The following GALNT13 variants were observed in gnomAD, a reference collection of about 807,000 sequenced individuals.
The protein encoded by GALNT13 is UDP-GalNAc:polypeptide N-acetylgalactosaminyltransferase 13.
GALNT13 carries 28 observed loss-of-function variants against 64.2 expected under a neutral mutation model. The observed-to-expected ratio is 0.44, with a 90% CI of 0.32 to 0.60. GALNT13 has a LOEUF of 0.60. Among genes scored for constraint, GALNT13 ranks in the 20% least tolerant of loss-of-function variants. The pLI is 0.05. For missense variants in GALNT13, 577 were observed against 669.8 expected (o/e 0.86, Z 1.53); for synonymous variants, 214 against 224.6 (o/e 0.95, Z 0.42).
the GALNT13 span, among the ~76,000 whole-genome samples, chr2:153,485,294 C>A: frequency 6.6e-6 from 1 of 152,052 alleles, no homozygotes; most frequent in Non-Finnish European, 1.5e-5. Context: ...CTGTATTCTT[C>A]TTGGATATAT....
chr2:154,137,849 T>G (rs1683041443), intron 3 of GALNT13, among the ~76,000 whole-genome samples: 1 of 152,004 alleles, frequency 6.6e-6, no homozygotes, highest in African/African-American at 2.4e-5. Flanking sequence ...ATATGCCACT[T>G]TGTCATATGG....
At chr2:153,860,893 C>T in the GALNT13 span, among the ~76,000 whole-genome samples, 1 of 152,110 alleles carries the variant, frequency 6.6e-6, no homozygotes, top group African/African-American at 2.4e-5. Flanking sequence ...GTAATTAGGT[C>T]TAGGAGCAGG....
chr2:154,029,657 A>G (rs1291304341), intron 3 of GALNT13, among the ~76,000 whole-genome samples: 4 of 152,206 alleles, frequency 2.6e-5, no homozygotes, highest in Admixed American at 2.6e-4. Context: ...AACAAAATGT[A>G]CAAGACGTGT....
At chr2:153,814,292 T>G in the GALNT13 span, among the ~76,000 whole-genome samples, 1 of 151,896 alleles carries the variant, frequency 6.6e-6, no homozygotes, top group Non-Finnish European at 1.5e-5. Flanking sequence ...TACAAAAAAT[T>G]AACTGGGCGC....
chr2:153,354,904 G>A, the GALNT13 span, among the ~76,000 whole-genome samples: 2 of 152,102 alleles, frequency 1.3e-5, no homozygotes, highest in Non-Finnish European at 2.9e-5. Context: ...AAGTTGCCTG[G>A]GTTAATGCTC....
the GALNT13 span, among the ~76,000 whole-genome samples, chr2:153,586,231 G>A: frequency 6.6e-6 from 1 of 152,182 alleles, no homozygotes; most frequent in East Asian, 1.9e-4. Flanking sequence ...TGGATTAAAT[G>A]CATCACTTAA....
chr2:153,857,646 T>C, the GALNT13 span, among the ~76,000 whole-genome samples: 3 of 152,232 alleles, frequency 2.0e-5, no homozygotes, highest in Non-Finnish European at 2.9e-5. Flanking sequence ...CATAGGAATA[T>C]TCTGCACTTC....
the GALNT13 span, among the ~76,000 whole-genome samples, chr2:153,582,728 G>C: frequency 6.6e-6 from 1 of 151,970 alleles, no homozygotes; most frequent in Non-Finnish European, 1.5e-5. Flanking sequence ...TCAAAGAGTC[G>C]GATCTGTTAT....
chr2:154,068,392 G>A (rs1403035546), intron 3 of GALNT13, among the ~76,000 whole-genome samples: 2 of 151,918 alleles, frequency 1.3e-5, no homozygotes, highest in Admixed American at 1.3e-4. Context: ...AAATCAGTAT[G>A]TCTAAGATAT....
chr2:153,906,740 T>A (rs1346127490), intron 2 of GALNT13, among the ~76,000 whole-genome samples: 3 of 151,892 alleles, frequency 2.0e-5, no homozygotes, highest in East Asian at 3.9e-4. Context: ...GCATGATTTA[T>A]AATCCTTTGG....
intron 2 of GALNT13, among the ~76,000 whole-genome samples, chr2:153,932,772 G>A (rs1000047475): frequency 6.6e-6 from 1 of 151,200 alleles, no homozygotes; most frequent in Non-Finnish European, 1.5e-5. Flanking sequence ...GGATTACAGG[G>A]GCCTGCCACC....
the GALNT13 span, among the ~76,000 whole-genome samples, chr2:153,773,002 A>C: frequency 6.6e-6 from 1 of 152,194 alleles, no homozygotes; most frequent in African/African-American, 2.4e-5. Flanking sequence ...TGGCCACTAC[A>C]GTTGCCTTTG....
the GALNT13 span, among the ~76,000 whole-genome samples, chr2:153,165,479 C>T: frequency 3.9e-5 from 6 of 152,160 alleles, no homozygotes; most frequent in African/African-American, 1.4e-4. Flanking sequence ...AAATCTTTTG[C>T]AGCATTATTT....
the GALNT13 span, among the ~76,000 whole-genome samples, chr2:153,484,390 C>G: frequency 2.0e-5 from 3 of 152,000 alleles, no homozygotes; most frequent in Non-Finnish European, 4.4e-5. Flanking sequence ...ATATTGATCT[C>G]GAATATTGTT....
chr2:154,166,494 T>C (rs1685029931), intron 4 of GALNT13, among the ~76,000 whole-genome samples: 1 of 152,160 alleles, frequency 6.6e-6, no homozygotes, highest in Admixed American at 6.5e-5. Flanking sequence ...CTGGAGAGGA[T>C]GTGGAGAAAT....
chr2:153,899,619 A>G (rs903081298), intron 1 of GALNT13, among the ~76,000 whole-genome samples: 4 of 152,126 alleles, frequency 2.6e-5, no homozygotes, highest in Non-Finnish European at 5.9e-5. Flanking sequence ...TGTCTTTAAC[A>G]TACTAGAGGA....
intron 4 of GALNT13, among the ~76,000 whole-genome samples, chr2:154,214,448 G>T (rs1297372325): frequency 2.6e-5 from 4 of 151,910 alleles, no homozygotes; most frequent in Non-Finnish European, 4.4e-5. Context: ...TCATAATTAG[G>T]GGAACCAGCC....
At chr2:153,836,283 A>G in the GALNT13 span, among the ~76,000 whole-genome samples, 3 of 152,054 alleles carry the variant, frequency 2.0e-5, no homozygotes, top group South Asian at 6.2e-4. Context: ...AGTTACCATA[A>G]TTAAGCTTAT....
At chr2:153,605,375 T>G in the GALNT13 span, among the ~76,000 whole-genome samples, 1 of 152,086 alleles carries the variant, frequency 6.6e-6, no homozygotes. Context: ...CATACCTGCT[T>G]CTGAAATGTC....
Sources: gnomAD v4.1 joint callset for allele counts (sites outside exome capture counted in the v4.1 genomes callset) on GRCh38, gnomAD v4.1.1 for gene constraint, MANE v1.5 for transcripts, NCBI Gene and HGNC (gene_info 2026-07-23, HGNC 2026-07-21) for gene names.